Variants in CSMD1 observed in about 807,000 individuals in gnomAD.
The protein encoded by CSMD1 is CUB and Sushi multiple domains 1.
CSMD1 carries 213 observed loss-of-function variants against 417.5 expected under a neutral mutation model. The observed-to-expected ratio is 0.51, with a 90% CI of 0.46 to 0.57. CSMD1 has a LOEUF of 0.57. Among genes scored for constraint, CSMD1 ranks in the 20% least tolerant of loss-of-function variants. CSMD1 has a pLI of 0.00. For missense variants in CSMD1, 6,923 were observed against 4,529.7 expected (o/e 1.53, Z -15.17); for synonymous variants, 2,862 against 1,736.8 (o/e 1.65, Z -16.11).
intron 11 of CSMD1, among the ~76,000 whole-genome samples, chr8:3,473,551 G>C (rs1585216555): frequency 6.6e-6 from 1 of 152,082 alleles, no homozygotes; most frequent in Admixed American, 6.6e-5. Context: ...TTAAAACAAA[G>C]AAGCAAGCAA....
At chr8:4,016,942 G>T (rs1318397164) in intron 4 of CSMD1, among the ~76,000 whole-genome samples, 2 of 152,156 alleles carry the variant, frequency 1.3e-5, no homozygotes, top group Non-Finnish European at 2.9e-5. Flanking sequence ...CTCAAAAGAT[G>T]AAACTCCTTA....
chr8:3,357,617 A>G (rs1052721021), intron 21 of CSMD1, among the ~76,000 whole-genome samples: 1 of 152,240 alleles, frequency 6.6e-6, no homozygotes, highest in African/African-American at 2.4e-5. Context: ...CTTAATCATT[A>G]TAATCAGTAG....
chr8:4,381,725 T>G (rs1251221988), intron 3 of CSMD1, among the ~76,000 whole-genome samples: 1 of 152,196 alleles, frequency 6.6e-6, no homozygotes, highest in Non-Finnish European at 1.5e-5. Flanking sequence ...CTGCCGTGGA[T>G]GGACTTTAGG....
intron 1 of CSMD1, among the ~76,000 whole-genome samples, chr8:4,802,074 T>C (rs994808196): frequency 6.6e-6 from 1 of 152,206 alleles, no homozygotes; most frequent in African/African-American, 2.4e-5. Context: ...TAGTTGAAGT[T>C]GATGACATAT....
intron 1 of CSMD1, among the ~76,000 whole-genome samples, chr8:4,725,782 C>T (rs11995196): frequency 6.6e-6 from 1 of 152,058 alleles, no homozygotes; most frequent in Admixed American, 6.5e-5. Flanking sequence ...ACAGGATTTG[C>T]GCTGCGTTTG....
chr8:3,235,222 A>C (rs1366250529), intron 26 of CSMD1, among the ~76,000 whole-genome samples: 1 of 152,218 alleles, frequency 6.6e-6, no homozygotes, highest in African/African-American at 2.4e-5. Flanking sequence ...ACAAAAGTTT[A>C]GGAGGTGAGC....
In CSMD1 at chr8:4,669,489, T is replaced by C. The variant is rs187089454; in HGVS notation, c.86-31931A>G. On this transcript the variant is annotated intron_variant, in intron 1 of 69. Transcript: ENST00000635120. ...TCAGGATGTGGACAACCGTATCTAG[T>C]CATCTTTCCTTTCTGCCTACCCACT... Among the ~76,000 whole-genome samples the C allele has an allele frequency of 3.5e-3, 534 of 152,328 alleles. 5 individuals are homozygous for C. The highest frequency in any genetic ancestry group is 0.011 in the African/African-American group (478 of 41,572).
At chr8:3,807,451 G>T (rs1325624803) in intron 5 of CSMD1, among the ~76,000 whole-genome samples, 2 of 152,084 alleles carry the variant, frequency 1.3e-5, no homozygotes, top group Non-Finnish European at 2.9e-5. Context: ...GTAATGAAAG[G>T]CAAAGATCAC....
At chr8:4,142,744 A>G (rs1170536268) in intron 3 of CSMD1, among the ~76,000 whole-genome samples, 2 of 151,080 alleles carry the variant, frequency 1.3e-5, no homozygotes, top group Non-Finnish European at 2.9e-5. Context: ...GTGAGATTAC[A>G]TTGAACTTGC....
At position 3,451,567 on chromosome 8, in the gene CSMD1, T is replaced by C. The variant is rs532482877; in HGVS notation, c.1561+17145A>G. ...AGTTTTCCCAGCACCATTTATTAAA[T>C]AGGGAATCCTTTCCCCATTTCCTGT... On this transcript the variant is annotated intron_variant, in intron 12 of 69. Coordinates refer to ENST00000635120, the MANE Select transcript of CSMD1 (RefSeq NM_033225.6). Among the ~76,000 whole-genome samples, 21 of 152,348 alleles carry C rather than the reference T, an allele frequency of 1.4e-4. No individual in the cohort carries two copies. The South Asian group carries it at 4.1e-3, about 30-fold the overall frequency.
intron 7 of CSMD1, among the ~76,000 whole-genome samples, chr8:3,674,771 G>C (rs907652071): frequency 1.3e-5 from 2 of 152,142 alleles, no homozygotes; most frequent in Admixed American, 1.3e-4. Flanking sequence ...AAAAATGAAA[G>C]GTAACTATAG....
intron 41 of CSMD1, among the ~76,000 whole-genome samples, chr8:3,119,159 G>A (rs569856546): frequency 5.3e-5 from 8 of 151,698 alleles, no homozygotes; most frequent in African/African-American, 1.5e-4. Context: ...CAGCCCGGGC[G>A]ACAGAGCAAG....
chr8:4,647,367 G>T (rs1226820965), intron 1 of CSMD1, among the ~76,000 whole-genome samples: 1 of 151,390 alleles, frequency 6.6e-6, no homozygotes, highest in South Asian at 2.1e-4. Flanking sequence ...ACGGCGGCCT[G>T]CTACGTAGGT....
At chr8:4,588,186 A>T (rs1236258318) in intron 2 of CSMD1, among the ~76,000 whole-genome samples, 1 of 152,142 alleles carries the variant, frequency 6.6e-6, no homozygotes, top group Non-Finnish European at 1.5e-5. Flanking sequence ...ACATTTTCTT[A>T]GGCATATATT....
At chr8:4,383,937 T>A (rs1037176867) in intron 3 of CSMD1, among the ~76,000 whole-genome samples, 1 of 152,106 alleles carries the variant, frequency 6.6e-6, no homozygotes, top group African/African-American at 2.4e-5. Flanking sequence ...TGAAGAAAAA[T>A]GCGTTCTCTT....
chr8:4,338,849 TG>T (rs1800318843), intron 3 of CSMD1, among the ~76,000 whole-genome samples: 1 of 152,114 alleles, frequency 6.6e-6, no homozygotes, highest in Non-Finnish European at 1.5e-5. Context: ...TATTACTTTT[TG>T]AAAGAAGAAA....
chr8:3,550,677 C>T (rs974333549), intron 10 of CSMD1, among the ~76,000 whole-genome samples: 7 of 152,170 alleles, frequency 4.6e-5, no homozygotes, highest in African/African-American at 1.4e-4. Flanking sequence ...GCTGCTATGA[C>T]ACCTGAAATC....
At chr8:3,777,769 T>G (rs1426835420) in intron 5 of CSMD1, among the ~76,000 whole-genome samples, 1 of 92,298 alleles carries the variant, frequency 1.1e-5, no homozygotes, top group Non-Finnish European at 2.2e-5. Context: ...AGAGTCTCAG[T>G]TCCCACTCCA....
chr8:3,253,806 G>A (rs1005722860), intron 26 of CSMD1, among the ~76,000 whole-genome samples: 1 of 152,162 alleles, frequency 6.6e-6, no homozygotes, highest in African/African-American at 2.4e-5. Context: ...ACAGCACACT[G>A]TAGGGTCTTG....
Sources: gnomAD v4.1 joint callset for allele counts (sites outside exome capture counted in the v4.1 genomes callset) on GRCh38, gnomAD v4.1.1 for gene constraint, MANE v1.5 for transcripts, NCBI Gene and HGNC (gene_info 2026-07-23, HGNC 2026-07-21) for gene names.